Variants in CLIP4 observed in about 807,000 individuals in gnomAD.
CLIP4 encodes CAP-Gly domain-containing linker protein 4.
A neutral mutation model predicts 73.1 loss-of-function variants in CLIP4; 47 were observed. That is an observed-to-expected ratio of 0.64 (90% CI 0.51 to 0.82). The LOEUF (loss-of-function observed/expected upper bound fraction) is 0.82. CLIP4 is among the 40% of genes least tolerant of loss of function. The pLI is 0.00. For synonymous variants in CLIP4, 306 were observed against 295.4 expected, an observed-to-expected ratio of 1.04 and a Z score of -0.37; for missense variants, 874 against 852.9, an observed-to-expected ratio of 1.02 and a Z score of -0.31.
At chr2:29,123,442 AT>A (rs984949739) in intron 2 of CLIP4, among the ~76,000 whole-genome samples, 87 of 152,352 alleles carry the variant, frequency 5.7e-4, no homozygotes, top group African/African-American at 2.0e-3. Flanking sequence ...CAAAGCAAAA[AT>A]AGGTCATAAT....
chr2:29,148,679 G>A (rs985083763), intron 8 of CLIP4, among the ~76,000 whole-genome samples: 3 of 152,058 alleles, frequency 2.0e-5, no homozygotes, highest in African/African-American at 4.8e-5. Flanking sequence ...ATATATTTAC[G>A]TGAATCTCTC....
chr2:29,097,948 G>C lies in CLIP4; in HGVS notation c.-16+1G>C, dbSNP rs998417918. 5 of 152,188 alleles carry C rather than the reference G, an allele frequency of 3.3e-5. No individual in the cohort carries two copies. Among genetic ancestry groups the C allele is most frequent in the Non-Finnish European group, 5.9e-5 (4 of 68,034 alleles). The allele number at this position is 152,188 out of a possible 1,614,324, so 9.4% of individuals were successfully genotyped here. A position where few individuals can be genotyped will look rare whatever the true frequency, so the allele number is the denominator to read the frequency against. ...CTGAGAAGACAGTCACATGGTTTGG[G>C]TAAGTCTCACTAGAAAACCAATCTC... On this transcript the variant is annotated splice_donor_variant, in intron 1 of 14. Transcript: ENST00000401605. LOFTEE classifies it low-confidence loss of function (5UTR_SPLICE).
rs1190455266 is a variant in CLIP4, at chr2:29,115,819, C to T, written c.-16+154C>T. Among the ~76,000 whole-genome samples the T allele has an allele frequency of 6.6e-6, 1 of 151,630 alleles. No individual in the cohort carries two copies. Among genetic ancestry groups the T allele is most frequent in the African/African-American group, 2.4e-5 (1 of 41,350 alleles). On this transcript the variant is annotated intron_variant, in intron 1 of 15. Coordinates refer to ENST00000320081, the MANE Select transcript of CLIP4 (RefSeq NM_024692.6). This position sits in a 1 kb window ranked among gnomAD's most constrained non-coding sequence, Gnocchi z 5.1. ...GGGGCTGTGGAAGCCCCGCGGCCGCCTCCCGTGGGCACCGGTGTCGCTGGC... is the reference window on the plus strand; with the variant it reads ...GGGGCTGTGGAAGCCCCGCGGCCGCTTCCCGTGGGCACCGGTGTCGCTGGC...
At chr2:29,128,537 G>A (rs1485976774) in intron 2 of CLIP4, among the ~76,000 whole-genome samples, 1 of 151,880 alleles carries the variant, frequency 6.6e-6, no homozygotes, top group Non-Finnish European at 1.5e-5. Flanking sequence ...ACAAAATACA[G>A]AATCTTTGCT....
chr2:29,121,313 C>T (rs1216989276), intron 1 of CLIP4, 61 bp from the exon 2 acceptor site: 3 of 1,430,540 alleles, frequency 2.1e-6, no homozygotes, highest in Admixed American at 2.3e-5. Context: ...TTATTGAAGG[C>T]AGTCATTCTA....
chr2:29,123,391 G>A (rs1664394398), intron 2 of CLIP4, among the ~76,000 whole-genome samples: 1 of 152,152 alleles, frequency 6.6e-6, no homozygotes, highest in Admixed American at 6.5e-5. Context: ...ACCAAGACAG[G>A]TCTTCTATAG....
chr2:29,156,842 A>AACATATTAAT (rs1666956172), intron 10 of CLIP4, among the ~76,000 whole-genome samples: 1 of 139,554 alleles, frequency 7.2e-6, no homozygotes, highest in African/African-American at 2.7e-5. Flanking sequence ...GTTGCCTTAA[A>AACATATTAAT]ACATATTAAT....
chr2:29,139,244 T>C (rs1225104114), intron 6 of CLIP4, among the ~76,000 whole-genome samples: 2 of 152,152 alleles, frequency 1.3e-5, no homozygotes, highest in African/African-American at 4.8e-5. Flanking sequence ...TGATTGCTTT[T>C]TCTGTGTCTA....
At chr2:29,114,197 G>A (rs1668459635), upstream of CLIP4, 1 of 152,222 alleles carries the variant, frequency 6.6e-6, no homozygotes, top group Non-Finnish European at 1.5e-5. Flanking sequence ...CCTAAGAAGA[G>A]GTGGCAGTCT....
intron 1 of CLIP4, among the ~76,000 whole-genome samples, chr2:29,116,506 A>C (rs1169177944): frequency 1.3e-5 from 2 of 152,178 alleles, no homozygotes; most frequent in Admixed American, 6.5e-5. Context: ...ATTGTACTTC[A>C]CTTTCACTTT....
At chr2:29,141,840 G>C (rs528248672) in intron 6 of CLIP4, among the ~76,000 whole-genome samples, 1 of 151,958 alleles carries the variant, frequency 6.6e-6, no homozygotes, top group African/African-American at 2.4e-5. Flanking sequence ...ATGTGAAGTT[G>C]AGCTCCTGTT....
At chr2:29,145,908 C>T (rs919821556) in intron 8 of CLIP4, among the ~76,000 whole-genome samples, 3 of 152,202 alleles carry the variant, frequency 2.0e-5, no homozygotes, top group Non-Finnish European at 2.9e-5. Flanking sequence ...TCTCGACCTC[C>T]TGACCTCAGG....
At chr2:29,122,529 T>G (rs1211337235) in intron 2 of CLIP4, among the ~76,000 whole-genome samples, 1 of 152,148 alleles carries the variant, frequency 6.6e-6, no homozygotes, top group Non-Finnish European at 1.5e-5. Context: ...TTATTTTTGT[T>G]TATCTCAAAA....
chr2:29,180,813 G>T (rs943149822), intron 15 of CLIP4, among the ~76,000 whole-genome samples: 4 of 151,014 alleles, frequency 2.6e-5, no homozygotes, highest in Admixed American at 2.6e-4. Context: ...TTTTCTAATT[G>T]CTATTTTACT....
At chr2:29,109,250 TG>T (rs2148440308) in intron 1 of CLIP4, among the ~76,000 whole-genome samples, 1 of 152,260 alleles carries the variant, frequency 6.6e-6, no homozygotes, top group African/African-American at 2.4e-5. Flanking sequence ...GCCAAAAATT[TG>T]GGGGGTGGCT....
intron 13 of CLIP4, 49 bp downstream of exon 13, chr2:29,164,003 C>G: frequency 6.6e-7 from 1 of 1,506,618 alleles, no homozygotes; most frequent in Non-Finnish European, 9.2e-7. Flanking sequence ...TTGTAATCTG[C>G]AGTGGTTAAT....
chr2:29,109,685 G>A (rs1375482559), intron 1 of CLIP4, among the ~76,000 whole-genome samples: 1 of 152,158 alleles, frequency 6.6e-6, no homozygotes, highest in Non-Finnish European at 1.5e-5. Flanking sequence ...AGGGTCTGGG[G>A]AGCAGTGCCC....
intron 1 of CLIP4, chr2:29,098,095 G>A (rs958813233): frequency 6.6e-6 from 1 of 152,118 alleles, no homozygotes; most frequent in Non-Finnish European, 1.5e-5. Context: ...ATATAATGAG[G>A]CAACTTTGAC....
intron 15 of CLIP4, among the ~76,000 whole-genome samples, chr2:29,179,810 T>C (rs1051793749): frequency 9.9e-5 from 15 of 152,256 alleles, no homozygotes; most frequent in Admixed American, 3.3e-4. Context: ...CTTTTTCTTA[T>C]AGGTATTACA....
Sources: gnomAD v4.1 joint callset for allele counts (sites outside exome capture counted in the v4.1 genomes callset) on GRCh38, gnomAD v4.1.1 for gene constraint, Gnocchi (gnomAD v3.1) non-coding constraint, MANE v1.5 for transcripts, NCBI Gene and HGNC (gene_info 2026-07-23, HGNC 2026-07-21) for gene names.